The following MYO9B variants were observed in gnomAD, a reference collection of about 807,000 sequenced individuals.
MYO9B encodes myosin IXB.
In MYO9B, 71 loss-of-function variants were observed where a neutral mutation model predicts 229.5. The ratio of observed to expected loss-of-function variants is 0.31; its 90% CI spans 0.26 to 0.38. The LOEUF is 0.38. MYO9B is among the 10% of genes least tolerant of loss of function. The pLI is 1.00. For missense variants in MYO9B, 2,255 were observed against 2,920.5 expected, an observed-to-expected ratio of 0.77 and a Z score of 5.25; for synonymous variants, 1,185 against 1,235.8, an observed-to-expected ratio of 0.96 and a Z score of 0.86.
At chr19:17,137,778 C>G (rs532938491) in intron 2 of MYO9B, among the ~76,000 whole-genome samples, 3 of 152,112 alleles carry the variant, frequency 2.0e-5, no homozygotes, top group Non-Finnish European at 2.9e-5. Context: ...GAGTCTCGCT[C>G]TGTCGCCGAG....
intron 10 of MYO9B, among the ~76,000 whole-genome samples, chr19:17,165,159 G>A (rs749500452): frequency 2.6e-5 from 4 of 152,002 alleles, no homozygotes; most frequent in Non-Finnish European, 4.4e-5. Context: ...ACACATTAAC[G>A]TGATCACATT....
intron 14 of MYO9B, among the ~76,000 whole-genome samples, chr19:17,176,381 G>A (rs2072790203): frequency 6.6e-6 from 1 of 151,734 alleles, no homozygotes; most frequent in African/African-American, 2.4e-5. Context: ...ATGTTAGTCA[G>A]GCTGGTCTTG....
intron 10 of MYO9B, among the ~76,000 whole-genome samples, chr19:17,165,045 T>G (rs112586482): frequency 1.3e-5 from 2 of 152,234 alleles, no homozygotes; most frequent in African/African-American, 4.8e-5. Flanking sequence ...TTTGGTTTTA[T>G]TTTTTGTAGA....
chr19:17,203,063 A>AC, intron 29 of MYO9B, 84 bp from the exon 30 acceptor site: 1 of 1,374,556 alleles, frequency 7.3e-7, no homozygotes, highest in Non-Finnish European at 1.0e-6. Flanking sequence ...GTCACCCCTG[A>AC]GATCCCATGG....
intron 2 of MYO9B, among the ~76,000 whole-genome samples, chr19:17,143,728 C>T (rs2072371675): frequency 6.6e-6 from 1 of 152,236 alleles, no homozygotes; most frequent in Middle Eastern, 3.4e-3. Flanking sequence ...CGAGACCATC[C>T]TAGCCAACGT....
At chr19:17,205,893 GC>G in intron 31 of MYO9B, 66 bp from the exon 32 acceptor site, 2 of 1,449,966 alleles carry the variant, frequency 1.4e-6, no homozygotes, top group Non-Finnish European at 9.2e-7. Context: ...GGAGGCAGAG[GC>G]CCCCAGAGAC....
At chr19:17,191,063 C>T (rs750897961) in intron 19 of MYO9B, 34 bp from the exon 20 acceptor site, 11 of 1,604,772 alleles carry the variant, frequency 6.9e-6, no homozygotes, top group Non-Finnish European at 9.4e-6. Context: ...AGAACACTCA[C>T]CTAGATTTTC....
At chr19:17,200,920 A>G (rs535085374) in intron 26 of MYO9B, 91 bp downstream of exon 26, 24 of 1,380,438 alleles carry the variant, frequency 1.7e-5, no homozygotes, top group Non-Finnish European at 2.3e-5. Context: ...CACACAACAC[A>G]GGGTTTAGCA....
chr19:17,210,010 G>A (rs928248352), intron 36 of MYO9B, among the ~76,000 whole-genome samples: 2 of 152,206 alleles, frequency 1.3e-5, no homozygotes, highest in East Asian at 3.9e-4. Flanking sequence ...TGCCTTGAAC[G>A]AAAGACGATG....
intron 19 of MYO9B, among the ~76,000 whole-genome samples, chr19:17,190,300 T>A (rs1014163830): frequency 6.6e-6 from 1 of 151,378 alleles, no homozygotes; most frequent in African/African-American, 2.4e-5. Flanking sequence ...TTCAAGTGAT[T>A]CTCCTTCCTC....
At chr19:17,144,988 A>AG (rs2072390611) in intron 2 of MYO9B, among the ~76,000 whole-genome samples, 1 of 144,714 alleles carries the variant, frequency 6.9e-6, no homozygotes, top group African/African-American at 2.7e-5. Context: ...AAAAAAAAAA[A>AG]AAAGAAAAAG....
intron 14 of MYO9B, among the ~76,000 whole-genome samples, chr19:17,176,074 G>A (rs2072785159): frequency 6.6e-6 from 1 of 152,142 alleles, no homozygotes; most frequent in Non-Finnish European, 1.5e-5. Context: ...CTGTTGCCCA[G>A]GCTGGAGTGC....
chr19:17,205,767 C>A (rs970070974), intron 31 of MYO9B, among the ~76,000 whole-genome samples, 193 bp from the exon 32 acceptor site: 2 of 152,180 alleles, frequency 1.3e-5, no homozygotes, highest in African/African-American at 4.8e-5. Context: ...AGCCCCTGCC[C>A]AGTGGCTGCC....
intron 6 of MYO9B, among the ~76,000 whole-genome samples, chr19:17,155,158 G>A (rs1055251837): frequency 1.3e-5 from 2 of 151,924 alleles, no homozygotes; most frequent in African/African-American, 2.4e-5. Flanking sequence ...TTAAGGTAGT[G>A]AATTTTATAT....
At chr19:17,160,453 T>TG (rs1158971229) in intron 8 of MYO9B, among the ~76,000 whole-genome samples, 1 of 151,256 alleles carries the variant, frequency 6.6e-6, no homozygotes, top group Admixed American at 6.6e-5. Flanking sequence ...CCTGAATATG[T>TG]GGGGAAAAAA....
intron 1 of MYO9B, among the ~76,000 whole-genome samples, chr19:17,083,940 C>T (rs1258007640): frequency 6.6e-6 from 1 of 152,048 alleles, no homozygotes; most frequent in Non-Finnish European, 1.5e-5. Context: ...TGTGAGCCAC[C>T]ATGCCCAGCC....
chr19:17,101,209 C>T lies in MYO9B; in HGVS notation c.-58-451C>T, dbSNP rs2057741515. Among the ~76,000 whole-genome samples, 1 of 151,774 alleles carries T rather than the reference C, an allele frequency of 6.6e-6. No homozygotes were observed. Among genetic ancestry groups the T allele is most frequent in the African/African-American group, 2.4e-5 (1 of 41,322 alleles). ...TTTTTTTTTAAGTGACAGGGTCTCT[C>T]TCTCTCACCCAGGCTGGAGCACAGC... On this transcript the variant is annotated intron_variant, in intron 1 of 39. Coordinates refer to ENST00000682292, the MANE Select transcript of MYO9B (RefSeq NM_004145.4). The surrounding 1 kb of genome is among the most constrained non-coding windows in gnomAD (Gnocchi z 4.7).
Position 17,200,612 on chromosome 19 carries a change from C to T in MYO9B, c.4373-27C>T, listed in dbSNP as rs376244339. 3.1e-6 allele frequency: 5 copies of T among 1,591,130 alleles called. No individual in the cohort carries two copies. In the South Asian group the frequency reaches 5.6e-5, roughly 18 times the overall value. ...TGCATCCTCCCCCTGAACCCACCCT[C>T]ACCGGCTGCTTCCTGTCCCCCCTCA... is the stretch of plus-strand genomic sequence containing the variant. On this transcript the variant is annotated intron_variant, in intron 25 of 39. Coordinates refer to ENST00000682292, the MANE Select transcript of MYO9B (RefSeq NM_004145.4).
chr19:17,090,108 T>C (rs2057622484), intron 1 of MYO9B, among the ~76,000 whole-genome samples: 1 of 141,250 alleles, frequency 7.1e-6, no homozygotes, highest in South Asian at 2.3e-4. Flanking sequence ...CATGAATCGG[T>C]GCTTCCTTCC....
Sources: gnomAD v4.1 joint callset for allele counts (sites outside exome capture counted in the v4.1 genomes callset) on GRCh38, gnomAD v4.1.1 for gene constraint, Gnocchi (gnomAD v3.1) non-coding constraint, MANE v1.5 for transcripts, NCBI Gene and HGNC (gene_info 2026-07-23, HGNC 2026-07-21) for gene names.